Variants in MAP1A observed in about 807,000 individuals in gnomAD.
The protein encoded by MAP1A is microtubule-associated protein 1A.
In MAP1A, 42 loss-of-function variants were observed where a neutral mutation model predicts 185.9. That is an observed-to-expected ratio of 0.23 (90% CI 0.18 to 0.29). The LOEUF is 0.29. Ranked by LOEUF, MAP1A falls within the 10% of genes least tolerant of loss-of-function variation. The probability of loss-of-function intolerance (pLI) is 1.00; values close to 1 mark genes in which losing one functional copy is unlikely to be tolerated. For synonymous variants in MAP1A, 1,229 were observed against 1,335.9 expected (o/e 0.92, Z 1.74); for missense variants, 2,995 against 3,450.4 (o/e 0.87, Z 3.31).
intron 2 of MAP1A, chr15:43,512,299 C>T (rs1595643459): frequency 1.3e-6 from 2 of 1,511,974 alleles, no homozygotes; most frequent in East Asian, 4.9e-5. Context: ...AAGGTTAGGA[C>T]TAATGTTTTA....
chr15:43,524,038 A>G lies in MAP1A; in HGVS notation c.2565A>G (p.Thr855=), dbSNP rs771523785. 1 of 1,614,030 alleles carries G rather than the reference A, an allele frequency of 6.2e-7. No homozygotes were observed. Among genetic ancestry groups the G allele is most frequent in the Non-Finnish European group, 8.5e-7 (1 of 1,180,010 alleles). The change falls in exon 4 of 6, where the codon ACA becomes ACG. Residue 855 remains threonine, a synonymous_variant. Coordinates refer to ENST00000300231, the MANE Select transcript of MAP1A (RefSeq NM_002373.6). ...VAEDQSVASL[T]APQTEETGKS... ...AGGACCAATCTGTGGCCTCACTTAC[A>G]GCTCCCCAGACAGAGGAGACAGGCA...
In MAP1A at chr15:43,527,818, G is replaced by C. The variant is rs1422265875; in HGVS notation, c.6345G>C (p.Arg2115=). The part of the protein sequence containing the change: ...TSDSELEKGA[R]EQPEKEAQSP... ...ACTCAGAACTGGAGAAGGGGGCTCG[G>C]GAACAGCCAGAAAAAGAGGCCCAAT... Residue 2115 remains arginine (R), a synonymous_variant, in exon 4 of 6, where the codon CGG becomes CGC. Coordinates refer to ENST00000300231, the MANE Select transcript of MAP1A (RefSeq NM_002373.6). 2 of 1,613,860 alleles carry C rather than the reference G, an allele frequency of 1.2e-6. No homozygotes were observed. Among genetic ancestry groups the C allele is most frequent in the South Asian group, 1.1e-5 (1 of 91,054 alleles).
At chr15:43,511,350 C>T (rs1482080756) in intron 1 of MAP1A, 2 of 713,158 alleles carry the variant, frequency 2.8e-6, no homozygotes, top group South Asian at 1.8e-5. Flanking sequence ...AGATCTGCGC[C>T]CTTGTCACCT....
chr15:43,525,242 G>C lies in MAP1A; in HGVS notation c.3769G>C (p.Glu1257Gln), dbSNP rs2079337822. ...CCACACAGCTCCCATGTCTGTTCCAGAGCCCCATGCAGCCACAGCGTCACC... is the reference window on the plus strand; with the variant it reads ...CCACACAGCTCCCATGTCTGTTCCACAGCCCCATGCAGCCACAGCGTCACC... ...SHHTAPMSVP[E>Q]PHAATASPPT... is the part of the protein sequence containing the mutation. Residue 1257 changes from glutamate to glutamine, a missense_variant, in exon 4 of 6, where the codon GAG becomes CAG. Physicochemically the swap from Glu to Gln is conservative, Grantham distance 29. Coordinates refer to ENST00000300231, the MANE Select transcript of MAP1A (RefSeq NM_002373.6). 1 of 1,614,026 alleles carries C rather than the reference G, an allele frequency of 6.2e-7. No individual in the cohort carries two copies. The highest frequency in any genetic ancestry group is 1.1e-5 in the South Asian group (1 of 91,082).
chr15:43,511,187 G>A, exon 1 of MAP1A: 1 of 1,550,572 alleles, frequency 6.4e-7, no homozygotes, highest in Non-Finnish European at 8.7e-7. Flanking sequence ...TATCGGTACA[G>A]AGAGTCAGCT....
At position 43,526,709 on chromosome 15, in the gene MAP1A, G is replaced by A. The variant is rs759224080; in HGVS notation, c.5236G>A (p.Ala1746Thr). Residue 1746 changes from alanine to threonine, a missense_variant, in exon 4 of 6, where the codon GCA becomes ACA. This residue lies in a region of MAP1A where 2,728 missense variants were observed against 2,986.0 expected (regional missense o/e 0.91). Coordinates refer to ENST00000300231, the MANE Select transcript of MAP1A (RefSeq NM_002373.6). This position sits in a 1 kb window ranked among gnomAD's most constrained non-coding sequence, Gnocchi z 4.7. ...DEQEVPLREHATRSPWASDFK... is the reference protein window; with the variant it reads ...DEQEVPLREHTTRSPWASDFK... ...GCAAGAAGTACCCCTGCGGGAACAC[G>A]CAACCCGGAGCCCCTGGGCCTCAGA... 16 of 1,613,772 alleles carry A rather than the reference G, an allele frequency of 9.9e-6. No homozygotes were observed. Among genetic ancestry groups the A allele is most frequent in the East Asian group, 8.9e-5 (4 of 44,890 alleles).
Position 43,523,164 on chromosome 15 carries a change from C to T in MAP1A, c.1691C>T (p.Ala564Val), listed in dbSNP as rs1595647763. ...LGDKPFPLDTAEEGPPSTAIQ... is the reference protein window; with the variant it reads ...LGDKPFPLDTVEEGPPSTAIQ... The stretch of plus-strand genomic sequence containing the variant: ...GATAAGCCATTCCCTCTAGACACTG[C>T]AGAGGAGGGACCCCCAAGTACAGCT... Residue 564 changes from alanine to valine, a missense_variant, in exon 4 of 6, where the codon GCA (alanine) becomes GTA (valine). Physicochemically the swap from Ala to Val is moderately conservative, Grantham distance 64. Coordinates refer to ENST00000300231, the MANE Select transcript of MAP1A (RefSeq NM_002373.6). The T allele has an allele frequency of 1.2e-6, 2 of 1,614,098 alleles. No individual in the cohort carries two copies. Among genetic ancestry groups the T allele is most frequent in the African/African-American group, 2.7e-5 (2 of 75,030 alleles).
intron 1 of MAP1A, chr15:43,512,161 C>A: frequency 7.3e-7 from 1 of 1,364,974 alleles, no homozygotes; most frequent in Non-Finnish European, 1.0e-6. Flanking sequence ...GCAACCTTAT[C>A]CAGAACCTTC....
chr15:43,525,880 G>T lies in MAP1A; in HGVS notation c.4407G>T (p.Lys1469Asn). 6.2e-7 allele frequency: 1 copy of T among 1,613,052 alleles called. No homozygotes were observed. Among genetic ancestry groups the T allele is most frequent in the African/African-American group, 1.3e-5 (1 of 74,936 alleles). The change falls in exon 4 of 6, where the codon AAG becomes AAT. Residue 1469 changes from lysine to asparagine, a missense_variant. Lys to Asn is a moderately conservative substitution (Grantham distance 94). Coordinates refer to ENST00000300231, the MANE Select transcript of MAP1A (RefSeq NM_002373.6). The part of the protein sequence containing the change: ...QKDTALEQKD[K>N]ALEPKDKDLE... ...ATACAGCCCTGGAACAGAAGGACAA[G>T]GCCCTGGAACCAAAAGATAAAGACT...
intron 2 of MAP1A, chr15:43,512,423 A>G: frequency 6.2e-6 from 4 of 649,416 alleles, no homozygotes; most frequent in South Asian, 1.8e-5. Flanking sequence ...GAGGAAAATC[A>G]TGGAATTCCA....
At chr15:43,519,382 G>A (rs901795976) in intron 1 of MAP1A, among the ~76,000 whole-genome samples, 2 of 152,178 alleles carry the variant, frequency 1.3e-5, no homozygotes, top group Non-Finnish European at 2.9e-5. Context: ...CCTGATCCTG[G>A]CACCATGGCT....
chr15:43,514,623 T>C (rs1033434657), upstream of MAP1A, among the ~76,000 whole-genome samples: 1 of 152,142 alleles, frequency 6.6e-6, no homozygotes, highest in Non-Finnish European at 1.5e-5. Context: ...CCCCTCCACA[T>C]TGACATACCC....
intron 1 of MAP1A, chr15:43,511,330 G>A: frequency 1.1e-6 from 1 of 889,104 alleles, no homozygotes; most frequent in Non-Finnish European, 1.7e-6. Context: ...TCCCTAGTGT[G>A]CACTTCCTGA....
chr15:43,518,641 C>G (rs868690354), intron 1 of MAP1A, among the ~76,000 whole-genome samples: 1 of 151,996 alleles, frequency 6.6e-6, no homozygotes, highest in East Asian at 1.9e-4. Flanking sequence ...CAAACGGTCC[C>G]CCTCCCCTTC....
At position 43,529,706 on chromosome 15, in the gene MAP1A, A is replaced by G. The variant is rs1317944562; in HGVS notation, c.8092A>G (p.Ile2698Val). The G allele has an allele frequency of 1.2e-6, 2 of 1,613,570 alleles. No homozygotes were observed. The highest frequency in any genetic ancestry group is 2.7e-5 in the African/African-American group (2 of 74,720). The change falls in exon 5 of 6, where the codon ATC becomes GTC. Residue 2698 changes from isoleucine to valine, a missense_variant. Physicochemically the swap from Ile to Val is conservative, Grantham distance 29. This residue lies in a region of MAP1A where 2,728 missense variants were observed against 2,986.0 expected (regional missense o/e 0.91). Transcript: ENST00000300231. The surrounding 1 kb of genome is among the most constrained non-coding windows in gnomAD (Gnocchi z 4.3). ...GAPVYVDLAY[I>V]PNHCSGKTAD... The stretch of plus-strand genomic sequence containing the variant: ...CCCTGTATATGTGGATCTCGCCTAC[A>G]TCCCGAATCATTGCAGTGGCAAGAC...
At chr15:43,516,276 G>T (rs2079296966), upstream of MAP1A, among the ~76,000 whole-genome samples, 1 of 152,196 alleles carries the variant, frequency 6.6e-6, no homozygotes, top group African/African-American at 2.4e-5. Flanking sequence ...AGCAAGGATT[G>T]CTCCCCTTTT....
chr15:43,523,010 C>A lies in MAP1A; in HGVS notation c.1537C>A (p.Pro513Thr). ...ACCCCCAGCCCAGAAGGGAACTGTA[C>A]CACTCCCAACCATCAGTGGGCACAG... The part of the protein sequence containing the change: ...QTPPAQKGTV[P>T]LPTISGHREL... Residue 513 changes from proline to threonine, a missense_variant, in exon 4 of 6, where the codon CCA (proline) becomes ACA (threonine). Coordinates refer to ENST00000300231, the MANE Select transcript of MAP1A (RefSeq NM_002373.6). 1.2e-6 allele frequency: 2 copies of A among 1,614,184 alleles called. No homozygotes were observed. Among genetic ancestry groups the A allele is most frequent in the Non-Finnish European group, 8.5e-7 (1 of 1,180,032 alleles).
rs373115035 is a variant in MAP1A, at chr15:43,528,268, G to A, written c.6795G>A (p.Thr2265=). Residue 2265 remains threonine (T), a synonymous_variant, in exon 4 of 6, where the codon ACG becomes ACA. Transcript: ENST00000300231. ...LSEGSSSEAT[T]PVISSVAERF... ...AGGGCTCCTCCTCTGAGGCTACCAC[G>A]CCTGTGATTTCAAGTGTGGCGGAGC... 4 of 1,613,980 alleles carry A rather than the reference G, an allele frequency of 2.5e-6. No homozygotes were observed. Among genetic ancestry groups the A allele is most frequent in the African/African-American group, 2.7e-5 (2 of 75,052 alleles).
Position 43,528,490 on chromosome 15 carries a change from C to G in MAP1A, c.7017C>G (p.Cys2339Trp), listed in dbSNP as rs775502748. The G allele has an allele frequency of 2.1e-4, 338 of 1,613,412 alleles. No homozygotes were observed. Among genetic ancestry groups the G allele is most frequent in the Non-Finnish European group, 2.4e-4 (287 of 1,180,022 alleles). ...GDGILPCHLE[C>W]SEAATEKPSP... ...GCATCCTGCCGTGCCACCTGGAGTG[C>G]TCAGAGGCAGCCACGGAGAAGCCAA... The change falls in exon 4 of 6, where the codon TGC (cysteine) becomes TGG (tryptophan). Residue 2339 changes from cysteine to tryptophan, a missense_variant. Coordinates refer to ENST00000300231, the MANE Select transcript of MAP1A (RefSeq NM_002373.6).
Sources: allele counts gnomAD v4.1 joint callset (sites outside exome capture counted in the v4.1 genomes callset), GRCh38; gene constraint gnomAD v4.1.1; regional missense constraint gnomAD v4.1.1; non-coding constraint Gnocchi (gnomAD v3.1); transcripts MANE v1.5; gene names NCBI Gene and HGNC (gene_info 2026-07-23, HGNC 2026-07-21).